ZBTB44: variants seen among roughly 807,000 people sequenced by gnomAD.
ZBTB44 encodes the protein zinc finger and BTB domain containing 44.
ZBTB44 carries 15 observed loss-of-function variants against 54.0 expected under a neutral mutation model. That is an observed-to-expected ratio of 0.28 (90% CI 0.19 to 0.43). ZBTB44 has a LOEUF of 0.43. ZBTB44 is among the 20% of genes least tolerant of loss of function. The pLI is 1.00. For missense variants in ZBTB44, 487 were observed against 707.1 expected (o/e 0.69, Z 3.53); for synonymous variants, 230 against 250.1 (o/e 0.92, Z 0.76).
intron 1 of ZBTB44, among the ~76,000 whole-genome samples, chr11:130,272,528 T>C (rs989950429): frequency 5.9e-5 from 9 of 152,214 alleles, no homozygotes; most frequent in African/African-American, 1.9e-4. Context: ...TTGCAAATAT[T>C]TTCTCTCATT....
In ZBTB44 at chr11:130,285,290, CT is replaced by C. The variant is rs1217111966; in HGVS notation, c.-56-23362del. 3.3e-3 allele frequency: 401 copies of C among 122,964 alleles called. 2 individuals are homozygous for C. Among genetic ancestry groups the C allele is most frequent in the African/African-American group, 8.3e-3 (289 of 34,650 alleles). 7.6% of individuals were successfully genotyped at this position (122,964 alleles called of 1,614,324 possible). A position where few individuals can be genotyped will look rare whatever the true frequency, so the allele number is the denominator to read the frequency against. ...TCGTAGGTGGAGTTATTCTTGTTTTCTTTTTTTTTTTTTTTTTTGAGATAGA... is the reference window on the plus strand; with the variant it reads ...TCGTAGGTGGAGTTATTCTTGTTTTCTTTTTTTTTTTTTTTTTGAGATAGA... On this transcript the variant is annotated intron_variant, in intron 1 of 7. Coordinates refer to ENST00000357899, the MANE Select transcript of ZBTB44 (RefSeq NM_001301098.2).
chr11:130,293,086 T>C (rs1461514222), intron 1 of ZBTB44, among the ~76,000 whole-genome samples: 1 of 152,178 alleles, frequency 6.6e-6, no homozygotes, highest in East Asian at 1.9e-4. Context: ...GTGATCTTTA[T>C]TTCACACTAG....
chr11:130,267,896 A>T (rs1275639906), intron 1 of ZBTB44, among the ~76,000 whole-genome samples: 1 of 151,768 alleles, frequency 6.6e-6, no homozygotes, highest in Non-Finnish European at 1.5e-5. Flanking sequence ...ACATGGTGAA[A>T]TCCTGTTTCT....
At chr11:130,269,989 G>A (rs1244715854) in intron 1 of ZBTB44, among the ~76,000 whole-genome samples, 1 of 152,066 alleles carries the variant, frequency 6.6e-6, no homozygotes, top group East Asian at 1.9e-4. Flanking sequence ...TTAAAAACCT[G>A]TATTTTGATA....
At chr11:130,262,991 G>A (rs1414471063) in intron 1 of ZBTB44, among the ~76,000 whole-genome samples, 1 of 152,184 alleles carries the variant, frequency 6.6e-6, no homozygotes, top group Non-Finnish European at 1.5e-5. Context: ...AGCCTGGGAG[G>A]TGGAGGTTGC....
chr11:130,259,752 A>G (rs1057115403), intron 2 of ZBTB44, among the ~76,000 whole-genome samples: 29 of 149,972 alleles, frequency 1.9e-4, no homozygotes, highest in Non-Finnish European at 1.0e-4. Context: ...GAGTTAAACA[A>G]TGAGAACCCA....
chr11:130,275,488 A>G (rs1012821339), intron 1 of ZBTB44, among the ~76,000 whole-genome samples: 3 of 152,074 alleles, frequency 2.0e-5, no homozygotes, highest in African/African-American at 7.2e-5. Flanking sequence ...CCACTCTAGA[A>G]TATTTTCTGA....
intron 4 of ZBTB44, among the ~76,000 whole-genome samples, chr11:130,237,606 TATG>T (rs1442704949): frequency 6.6e-6 from 1 of 152,216 alleles, no homozygotes; most frequent in African/African-American, 2.4e-5. Context: ...TTTTGGGTAA[TATG>T]ATGTAATATT....
intron 1 of ZBTB44, among the ~76,000 whole-genome samples, chr11:130,298,400 T>G (rs367926260): frequency 6.6e-6 from 1 of 151,542 alleles, no homozygotes; most frequent in African/African-American, 2.4e-5. Flanking sequence ...CCACCTTAGC[T>G]TCCCAAAGTG....
chr11:130,231,680 C>A lies in ZBTB44; in HGVS notation c.*84G>T. On this transcript the variant is annotated 3_prime_UTR_variant, in exon 8 of 8. Coordinates refer to ENST00000357899, the MANE Select transcript of ZBTB44 (RefSeq NM_001301098.2). Reference sequence around the variant, plus strand: ...TTCTTCTTTCCTTCTTTTCTTTTTTCTTTCCTCTTGCTCTTTCAAAAACCA... The same window carrying A: ...TTCTTCTTTCCTTCTTTTCTTTTTTATTTCCTCTTGCTCTTTCAAAAACCA... The A allele has an allele frequency of 6.6e-6, 1 of 152,142 alleles. No individual in the cohort carries two copies. The allele number at this position is 152,142 out of a possible 1,614,324, so 9.4% of individuals were successfully genotyped here.
At chr11:130,304,292 A>G (rs943922955) in intron 1 of ZBTB44, among the ~76,000 whole-genome samples, 25 of 152,322 alleles carry the variant, frequency 1.6e-4, no homozygotes, top group African/African-American at 6.0e-4. Flanking sequence ...AAAAGCAAAA[A>G]CACCCCATAA....
chr11:130,281,887 G>A (rs1050386116), intron 1 of ZBTB44, among the ~76,000 whole-genome samples: 1 of 152,174 alleles, frequency 6.6e-6, no homozygotes, highest in Admixed American at 6.5e-5. Context: ...TTATAGGCGT[G>A]AGCCACCGCG....
chr11:130,250,648 T>A (rs1937925487), intron 2 of ZBTB44, among the ~76,000 whole-genome samples: 1 of 152,012 alleles, frequency 6.6e-6, no homozygotes, highest in African/African-American at 2.4e-5. Flanking sequence ...GGGTCTGGAG[T>A]GGACCTCCAA....
At chr11:130,297,169 T>C (rs1941701028) in intron 1 of ZBTB44, among the ~76,000 whole-genome samples, 3 of 152,348 alleles carry the variant, frequency 2.0e-5, no homozygotes, top group Middle Eastern at 3.4e-3. Flanking sequence ...AGAGCATAAA[T>C]TGACTTGGGT....
intron 2 of ZBTB44, among the ~76,000 whole-genome samples, chr11:130,260,249 A>C (rs1472565501): frequency 2.0e-5 from 3 of 152,164 alleles, no homozygotes; most frequent in Non-Finnish European, 4.4e-5. Flanking sequence ...CCAAACACAC[A>C]ATGCTCTTCC....
chr11:130,255,006 T>C (rs1228354025), intron 2 of ZBTB44, among the ~76,000 whole-genome samples: 2 of 134,194 alleles, frequency 1.5e-5, no homozygotes, highest in Admixed American at 9.3e-5. Flanking sequence ...TTCTCACTCA[T>C]AGATGGGAAT....
Position 130,227,691 on chromosome 11 carries a change from T to C in ZBTB44, c.*4073A>G. The C allele has an allele frequency of 6.6e-6, 1 of 152,336 alleles. No homozygotes were observed. The highest frequency in any genetic ancestry group is 1.5e-5 in the Non-Finnish European group (1 of 68,036). The allele number at this position is 152,336 out of a possible 1,614,324, so 9.4% of individuals were successfully genotyped here. A position where few individuals can be genotyped will look rare whatever the true frequency, so the allele number is the denominator to read the frequency against. ...CAGTTTTTAAATGGAGCCAGCTTTA[T>C]GTTAGCCCTGTAAAATATTGAGCTA... On this transcript the variant is annotated 3_prime_UTR_variant, in exon 8 of 8. Transcript: ENST00000357899.
chr11:130,266,877 G>A (rs550379167), intron 1 of ZBTB44, among the ~76,000 whole-genome samples: 1 of 152,224 alleles, frequency 6.6e-6, no homozygotes, highest in Non-Finnish European at 1.5e-5. Flanking sequence ...CTGTTGAAAT[G>A]ACAATAAATG....
In ZBTB44 at chr11:130,295,767, G is replaced by A; in HGVS notation, c.-57+18608C>T. The A allele has an allele frequency of 2.7e-6, 4 of 1,494,088 alleles. No homozygotes were observed. The Admixed American group carries it at 6.7e-5, about 25-fold the overall frequency. The allele number at this position is 1,494,088 out of a possible 1,614,324, so 92.6% of individuals were successfully genotyped here. ...CCTGGCTTTTCTCAAACCTGCAGTA[G>A]AACTCATTGTTAAAATTCATGCCCA... On this transcript the variant is annotated intron_variant, in intron 1 of 7. Coordinates refer to ENST00000357899, the MANE Select transcript of ZBTB44 (RefSeq NM_001301098.2).
Sources: gnomAD v4.1 joint callset for allele counts (sites outside exome capture counted in the v4.1 genomes callset) on GRCh38, gnomAD v4.1.1 for gene constraint, MANE v1.5 for transcripts, NCBI Gene and HGNC (gene_info 2026-07-23, HGNC 2026-07-21) for gene names.